Variants in RIMKLB observed in about 807,000 individuals in gnomAD.
RIMKLB encodes beta-citrylglutamate synthase B.
Under a neutral mutation model 32.0 loss-of-function variants are expected in RIMKLB, and 7 were observed. That is an observed-to-expected ratio of 0.22 (90% CI 0.12 to 0.41). The LOEUF (loss-of-function observed/expected upper bound fraction) is 0.41. RIMKLB is among the 10% of genes least tolerant of loss of function. The pLI, the probability that RIMKLB is intolerant of heterozygous loss-of-function variation, is 1.00. For synonymous variants in RIMKLB, 172 were observed against 185.1 expected (o/e 0.93, Z 0.57); for missense variants, 289 against 498.7 (o/e 0.58, Z 4.00).
the RIMKLB span, among the ~76,000 whole-genome samples, chr12:8,674,500 A>G: frequency 6.7e-6 from 1 of 149,006 alleles, no homozygotes; most frequent in Non-Finnish European, 1.5e-5. Context: ...CGGCCTCCCA[A>G]AGTGCTGGGA....
At chr12:8,757,870 T>G (rs1009705020) in intron 5 of RIMKLB, among the ~76,000 whole-genome samples, 2 of 152,168 alleles carry the variant, frequency 1.3e-5, no homozygotes, top group Admixed American at 1.3e-4. Flanking sequence ...TTCTCCTCAT[T>G]GAATAGTTTC....
intron 2 of RIMKLB, among the ~76,000 whole-genome samples, chr12:8,743,635 G>C (rs1041840218): frequency 6.6e-6 from 1 of 151,756 alleles, no homozygotes; most frequent in Non-Finnish European, 1.5e-5. Flanking sequence ...TGGGGAGGGA[G>C]AGATTGTTAC....
intron 2 of RIMKLB, among the ~76,000 whole-genome samples, chr12:8,715,228 C>CTTTTTTTTTTTTTTTTTT (rs61677474): frequency 4.0e-5 from 5 of 123,758 alleles, no homozygotes; most frequent in African/African-American, 1.7e-4. Context: ...TGCTCTTGTT[C>CTTTTTTTTTTTTTTTTTT]TTTTTTTTTT....
chr12:8,736,365 A>G (rs1947004569), intron 2 of RIMKLB, among the ~76,000 whole-genome samples: 1 of 152,184 alleles, frequency 6.6e-6, no homozygotes, highest in Non-Finnish European at 1.5e-5. Context: ...AGATGTTGCA[A>G]AAATAATACA....
chr12:8,762,853 G>A (rs1949642567), intron 5 of RIMKLB, among the ~76,000 whole-genome samples: 1 of 152,124 alleles, frequency 6.6e-6, no homozygotes, highest in Non-Finnish European at 1.5e-5. Context: ...ACAAGTTGAG[G>A]TCGGGATCAG....
At chr12:8,710,645 A>G (rs1251910313) in intron 1 of RIMKLB, among the ~76,000 whole-genome samples, 1 of 152,066 alleles carries the variant, frequency 6.6e-6, no homozygotes, top group Non-Finnish European at 1.5e-5. Context: ...GGCTCTTCAG[A>G]GGGGAATATT....
the RIMKLB span, among the ~76,000 whole-genome samples, chr12:8,671,867 G>C: frequency 6.6e-6 from 1 of 152,092 alleles, no homozygotes; most frequent in African/African-American, 2.4e-5. Flanking sequence ...AGCTGAGATT[G>C]CGCCATTGCA....
At position 8,776,826 on chromosome 12, in the gene RIMKLB, T is replaced by A; in HGVS notation, c.*3042T>A. On this transcript the variant is annotated 3_prime_UTR_variant, in exon 6 of 6. Transcript: ENST00000535829. ...GAGACTTGGCATTCATCAAGCACAT[T>A]ATCAGACTTTGAGAACATATTGAAG... 1 of 985,782 alleles carries A rather than the reference T, an allele frequency of 1.0e-6. No homozygotes were observed. 61.1% of individuals were successfully genotyped at this position (985,782 alleles called of 1,614,324 possible).
At chr12:8,734,207 T>C (rs79006497) in intron 2 of RIMKLB, among the ~76,000 whole-genome samples, 1,959 of 152,248 alleles carry the variant, frequency 0.013, 40 homozygotes, top group African/African-American at 0.046. Flanking sequence ...ATCTGAGATA[T>C]GGGAGAAGGA....
rs774991258 is a variant in RIMKLB, at chr12:8,773,633, C to T, written c.1010C>T (p.Ala337Val). 3.7e-6 allele frequency: 6 copies of T among 1,614,256 alleles called. No individual in the cohort carries two copies. The South Asian group carries it at 5.5e-5, about 15-fold the overall frequency. ...ETSEPELGPP[A>V]STAVDNMSAS... ...AGTGAGCCGGAGCTGGGTCCCCCAG[C>T]CAGCACTGCTGTTGACAACATGAGT... The change falls in exon 6 of 6, where the codon GCC becomes GTC. Residue 337 changes from alanine (A) to valine (V), a missense_variant. Transcript: ENST00000535829.
At chr12:8,699,528 C>T (rs1397139281) in intron 1 of RIMKLB, among the ~76,000 whole-genome samples, 1 of 152,078 alleles carries the variant, frequency 6.6e-6, no homozygotes, top group South Asian at 2.1e-4. Context: ...TAGTATGCAA[C>T]CCTCTAATTT....
chr12:8,688,446 ATAAT>A (rs1248087073), intron 1 of RIMKLB, among the ~76,000 whole-genome samples: 1 of 152,206 alleles, frequency 6.6e-6, no homozygotes, highest in Non-Finnish European at 1.5e-5. Flanking sequence ...CAGAAGATAA[ATAAT>A]AGAAATTATT....
At chr12:8,772,920 CTG>C (rs1456521266) in intron 5 of RIMKLB, among the ~76,000 whole-genome samples, 9 of 152,216 alleles carry the variant, frequency 5.9e-5, no homozygotes, top group Non-Finnish European at 7.3e-5. Flanking sequence ...AGGAAGAAAA[CTG>C]TGTTCACGTC....
chr12:8,739,047 A>G (rs1438585377), intron 2 of RIMKLB, among the ~76,000 whole-genome samples: 1 of 152,154 alleles, frequency 6.6e-6, no homozygotes, highest in Non-Finnish European at 1.5e-5. Flanking sequence ...TTTTCATTCC[A>G]CCATTCTGAA....
chr12:8,669,823 T>C, the RIMKLB span, among the ~76,000 whole-genome samples: 73 of 151,578 alleles, frequency 4.8e-4, no homozygotes, highest in Admixed American at 2.7e-3. Context: ...GTCAGGAGAT[T>C]GAGACCATCC....
At chr12:8,693,677 T>G (rs1380166150), upstream of RIMKLB, among the ~76,000 whole-genome samples, 3 of 152,030 alleles carry the variant, frequency 2.0e-5, no homozygotes, top group Non-Finnish European at 4.4e-5. Context: ...GGATTACACA[T>G]GGGAGACACC....
intron 2 of RIMKLB, among the ~76,000 whole-genome samples, chr12:8,717,207 A>G (rs1591711597): frequency 6.6e-6 from 1 of 152,220 alleles, no homozygotes; most frequent in East Asian, 1.9e-4. Context: ...GGATAAGGGA[A>G]ATGTTCTAAA....
At chr12:8,696,258 C>T (rs185956656), upstream of RIMKLB, among the ~76,000 whole-genome samples, 173 of 152,300 alleles carry the variant, frequency 1.1e-3, no homozygotes, top group Non-Finnish European at 2.1e-3. Context: ...TCACAAAATG[C>T]TTCTCTTGGT....
intron 1 of RIMKLB, chr12:8,700,268 T>G (rs746119067): frequency 2.2e-4 from 34 of 152,352 alleles, no homozygotes; most frequent in African/African-American, 8.2e-4. Context: ...GGCATTGGTT[T>G]GTTGTGGCAC....
Sources: gnomAD v4.1 joint callset for allele counts (sites outside exome capture counted in the v4.1 genomes callset) on GRCh38, gnomAD v4.1.1 for gene constraint, MANE v1.5 for transcripts, NCBI Gene and HGNC (gene_info 2026-07-23, HGNC 2026-07-21) for gene names.